The following SCHIP1 variants were observed in gnomAD, a reference collection of about 807,000 sequenced individuals.
SCHIP1 encodes schwannomin interacting protein 1.
SCHIP1 carries 8 observed loss-of-function variants against 29.7 expected under a neutral mutation model. That is an observed-to-expected ratio of 0.27 (90% CI 0.16 to 0.49). The LOEUF is 0.49. Ranked by LOEUF, SCHIP1 falls within the 20% of genes least tolerant of loss-of-function variation. The pLI is 0.99. For missense variants in SCHIP1, 193 were observed against 294.6 expected (o/e 0.66, Z 2.52); for synonymous variants, 76 against 94.9 (o/e 0.80, Z 1.16).
the SCHIP1 span, among the ~76,000 whole-genome samples, chr3:159,606,715 T>A: frequency 6.6e-6 from 1 of 152,100 alleles, no homozygotes; most frequent in Non-Finnish European, 1.5e-5. Flanking sequence ...AACGACCAGA[T>A]AAACAATATA....
the SCHIP1 span, among the ~76,000 whole-genome samples, chr3:159,476,579 AAAAAC>A: frequency 6.6e-6 from 1 of 152,298 alleles, no homozygotes; most frequent in East Asian, 1.9e-4. Flanking sequence ...ATACGCAACT[AAAAAC>A]AAAGCACAAT....
the SCHIP1 span, among the ~76,000 whole-genome samples, chr3:159,548,871 T>A: frequency 6.6e-6 from 1 of 152,154 alleles, no homozygotes; most frequent in East Asian, 1.9e-4. Flanking sequence ...ATCTGAGTTA[T>A]CTCAGGTTTA....
At chr3:159,375,698 T>G in the SCHIP1 span, 1 of 545,560 alleles carries the variant, frequency 1.8e-6, no homozygotes, top group Non-Finnish European at 2.3e-6. Context: ...GATCATGCCA[T>G]TGCACTCCAG....
At chr3:159,745,239 A>C in the SCHIP1 span, among the ~76,000 whole-genome samples, 1 of 152,210 alleles carries the variant, frequency 6.6e-6, no homozygotes, top group Non-Finnish European at 1.5e-5. Context: ...TTCTGCTAAA[A>C]TCAATATCTT....
At chr3:159,692,882 CA>C in the SCHIP1 span, among the ~76,000 whole-genome samples, 9 of 150,128 alleles carry the variant, frequency 6.0e-5, no homozygotes, top group East Asian at 3.9e-4. Context: ...CATCCTGGGA[CA>C]AAAAAAAATG....
chr3:159,827,730 G>A, the SCHIP1 span, among the ~76,000 whole-genome samples: 1 of 151,782 alleles, frequency 6.6e-6, no homozygotes, highest in Non-Finnish European at 1.5e-5. Flanking sequence ...GCGTGAACCC[G>A]GGAAGCGGAG....
At chr3:159,658,820 C>T in the SCHIP1 span, among the ~76,000 whole-genome samples, 2 of 152,206 alleles carry the variant, frequency 1.3e-5, no homozygotes, top group African/African-American at 4.8e-5. Context: ...TCTAATATTT[C>T]CCCCTACAAT....
chr3:159,718,803 C>T, the SCHIP1 span, among the ~76,000 whole-genome samples: 1 of 152,176 alleles, frequency 6.6e-6, no homozygotes, highest in Admixed American at 6.5e-5. Context: ...AATGGCCACA[C>T]TTCCCAAGAT....
chr3:159,510,865 T>G, the SCHIP1 span, among the ~76,000 whole-genome samples: 1 of 152,182 alleles, frequency 6.6e-6, no homozygotes, highest in African/African-American at 2.4e-5. Context: ...GTGTGATGTG[T>G]CAGTCTGCCC....
chr3:159,776,156 TTTCAGAACCAA>T, the SCHIP1 span, among the ~76,000 whole-genome samples: 1 of 152,180 alleles, frequency 6.6e-6, no homozygotes, highest in Non-Finnish European at 1.5e-5. Context: ...TTTCAAATAG[TTTCAGAACCAA>T]TTCAGTCTCC....
chr3:159,770,146 T>C, the SCHIP1 span, among the ~76,000 whole-genome samples: 1 of 152,282 alleles, frequency 6.6e-6, no homozygotes. Flanking sequence ...TTTGAACTCT[T>C]GCTGAGTAGT....
the SCHIP1 span, among the ~76,000 whole-genome samples, chr3:159,648,513 TAAC>T: frequency 6.6e-6 from 1 of 152,196 alleles, no homozygotes; most frequent in African/African-American, 2.4e-5. Flanking sequence ...GCTAGACACA[TAAC>T]AACTGTTCAA....
the SCHIP1 span, among the ~76,000 whole-genome samples, chr3:159,348,615 ATAT>A: frequency 2.0e-5 from 3 of 152,150 alleles, no homozygotes; most frequent in African/African-American, 7.2e-5. Context: ...AAGTGATTCG[ATAT>A]TATATATTCC....
At chr3:159,355,300 A>G in the SCHIP1 span, among the ~76,000 whole-genome samples, 1 of 152,170 alleles carries the variant, frequency 6.6e-6, no homozygotes, top group African/African-American at 2.4e-5. Flanking sequence ...AAGGGACCTA[A>G]CAATGTACTC....
At chr3:159,765,474 C>G in the SCHIP1 span, 2 of 263,468 alleles carry the variant, frequency 7.6e-6, no homozygotes, top group Non-Finnish European at 1.4e-5. Context: ...CGGGGAGATT[C>G]TGGCACCAAA....
At chr3:159,820,637 T>C in the SCHIP1 span, among the ~76,000 whole-genome samples, 3 of 151,466 alleles carry the variant, frequency 2.0e-5, no homozygotes, top group African/African-American at 7.3e-5. Context: ...GGTGCAAGAG[T>C]GTTAGGAGGT....
chr3:159,397,974 G>A, the SCHIP1 span, among the ~76,000 whole-genome samples: 1,012 of 152,248 alleles, frequency 6.6e-3, 10 homozygotes, highest in South Asian at 0.032. Flanking sequence ...AGCAATCAGC[G>A]AGACTCCGTG....
chr3:159,372,617 A>T, the SCHIP1 span, among the ~76,000 whole-genome samples: 1 of 152,120 alleles, frequency 6.6e-6, no homozygotes, highest in Non-Finnish European at 1.5e-5. Flanking sequence ...GGGTTCAGCA[A>T]ATTATGCTTT....
chr3:159,690,954 TGA>T, the SCHIP1 span, among the ~76,000 whole-genome samples: 3 of 152,224 alleles, frequency 2.0e-5, no homozygotes, highest in African/African-American at 7.2e-5. Context: ...CACTGTGGTC[TGA>T]GAGACTGTTA....
Sources: gnomAD v4.1 joint callset for allele counts (sites outside exome capture counted in the v4.1 genomes callset) on GRCh38, gnomAD v4.1.1 for gene constraint, MANE v1.5 for transcripts, NCBI Gene and HGNC (gene_info 2026-07-23, HGNC 2026-07-21) for gene names.